Variants in PRKCG observed in about 807,000 individuals in gnomAD.
PRKCG encodes protein kinase C gamma type.
Under a neutral mutation model 82.0 loss-of-function variants are expected in PRKCG, and 28 were observed. That is an observed-to-expected ratio of 0.34 (90% CI 0.25 to 0.47). The LOEUF is 0.47. PRKCG is among the 20% of genes least tolerant of loss of function. The pLI, the probability that PRKCG is intolerant of heterozygous loss-of-function variation, is 1.00. For synonymous variants in PRKCG, 383 were observed against 376.6 expected (o/e 1.02, Z -0.20); for missense variants, 640 against 952.7 (o/e 0.67, Z 4.32).
chr19:53,892,404 G>A lies in PRKCG; in HGVS notation c.687-105G>A. 1.1e-5 allele frequency: 16 copies of A among 1,510,870 alleles called. No homozygotes were observed. In the South Asian group the frequency reaches 1.9e-4, roughly 18 times the overall value. The allele number at this position is 1,510,870 out of a possible 1,614,324, so 93.6% of individuals were successfully genotyped here. Reference sequence around the variant, plus strand: ...GTCGGAGACCGACAAAGCAGGAGAGGAGCCCCAGCTGGCTGGGTTTGCCCC... The same window carrying A: ...GTCGGAGACCGACAAAGCAGGAGAGAAGCCCCAGCTGGCTGGGTTTGCCCC... On this transcript the variant is annotated intron_variant, in intron 6 of 17. Coordinates refer to ENST00000263431, the MANE Select transcript of PRKCG (RefSeq NM_002739.5). The surrounding 1 kb of genome is among the most constrained non-coding windows in gnomAD (Gnocchi z 5.9).
At position 53,883,906 on chromosome 19, in the gene PRKCG, C is replaced by T. The variant is rs959129365; in HGVS notation, c.203-255C>T. On this transcript the variant is annotated intron_variant, in intron 2 of 17. Transcript: ENST00000263431. The surrounding 1 kb of genome is among the most constrained non-coding windows in gnomAD (Gnocchi z 5.4). ...TCTTTTTCCATCTCCCTTCCCTGAG[C>T]TCTGTGCTCTGTGTCTCTCTGTAAG... Among the ~76,000 whole-genome samples, 88 of 152,156 alleles carry T rather than the reference C, an allele frequency of 5.8e-4. No individual in the cohort carries two copies. Among genetic ancestry groups the T allele is most frequent in the Non-Finnish European group, 1.1e-3 (76 of 68,038 alleles).
rs1599938894 is a variant in PRKCG at position 53,884,374 on chromosome 19, A to C, written c.285+131A>C. 25 of 902,362 alleles carry C rather than the reference A, an allele frequency of 2.8e-5. No homozygotes were observed. In the East Asian group the frequency reaches 6.1e-4, roughly 22 times the overall value. The allele number at this position is 902,362 out of a possible 1,614,324, so 55.9% of individuals were successfully genotyped here. A position where few individuals can be genotyped will look rare whatever the true frequency, so the allele number is the denominator to read the frequency against. Reference sequence around the variant, plus strand: ...GGGGGCTGGAGAGATAGGGGGAGCTATCTGGCCCAGATTCCTTGCCCTTGG... The same window carrying C: ...GGGGGCTGGAGAGATAGGGGGAGCTCTCTGGCCCAGATTCCTTGCCCTTGG... On this transcript the variant is annotated intron_variant, in intron 3 of 17. Coordinates refer to ENST00000263431, the MANE Select transcript of PRKCG (RefSeq NM_002739.5). This position sits in a 1 kb window ranked among gnomAD's most constrained non-coding sequence, Gnocchi z 4.6.
At chr19:53,896,696 A>C (rs955844830) in intron 9 of PRKCG, among the ~76,000 whole-genome samples, 4 of 152,196 alleles carry the variant, frequency 2.6e-5, no homozygotes, top group Admixed American at 2.0e-4. Flanking sequence ...CTGGGATTAC[A>C]GGCATGAGCC....
chr19:53,886,976 T>TTA (rs1204346022), intron 3 of PRKCG, among the ~76,000 whole-genome samples: 1 of 152,242 alleles, frequency 6.6e-6, no homozygotes, highest in Non-Finnish European at 1.5e-5. Flanking sequence ...ATATTATTTT[T>TTA]TATTCTTGTT....
chr19:53,896,652 T>C (rs1399377446), intron 9 of PRKCG, among the ~76,000 whole-genome samples: 3 of 152,236 alleles, frequency 2.0e-5, no homozygotes, highest in African/African-American at 7.2e-5. Context: ...ACTCCTGACC[T>C]CAGGTGATCT....
chr19:53,905,274 G>C (rs2068793268), intron 16 of PRKCG, among the ~76,000 whole-genome samples: 1 of 151,976 alleles, frequency 6.6e-6, no homozygotes, highest in Non-Finnish European at 1.5e-5. Flanking sequence ...GGGGCTCTCT[G>C]TGTTTCTTCC....
rs771895830 is a variant in PRKCG at position 53,906,850 on chromosome 19, G to T, written c.2049G>T (p.Pro683=). 4 of 1,613,518 alleles carry T rather than the reference G, an allele frequency of 2.5e-6. No individual in the cohort carries two copies. In the East Asian group the frequency reaches 6.7e-5, roughly 27 times the overall value. Residue 683 remains proline (P), a synonymous_variant, in exon 18 of 18, where the codon CCG becomes CCT. Coordinates refer to ENST00000263431, the MANE Select transcript of PRKCG (RefSeq NM_002739.5). ...ACGTGAACCCCGACTTCGTGCACCCGGATGCCCGCAGCCCCACCAGCCCAG... is the reference window on the plus strand; with the variant it reads ...ACGTGAACCCCGACTTCGTGCACCCTGATGCCCGCAGCCCCACCAGCCCAG... ...FTYVNPDFVH[P]DARSPTSPVP... is the part of the protein sequence containing the mutation.
upstream of PRKCG, chr19:53,881,734 A>G (rs1160179378): frequency 6.6e-6 from 1 of 152,610 alleles, no homozygotes; most frequent in African/African-American, 2.4e-5. Context: ...CTCCAGGAAT[A>G]GAGGGAGAGG....
intron 9 of PRKCG, among the ~76,000 whole-genome samples, chr19:53,896,925 A>G (rs145578118): frequency 6.6e-6 from 1 of 152,324 alleles, no homozygotes; most frequent in Non-Finnish European, 1.5e-5. Context: ...CAGTTTAAAA[A>G]GTCAGGCGAG....
Position 53,900,502 on chromosome 19 carries a change from C to T in PRKCG, c.1436+21C>T, listed in dbSNP as rs1462632945. On this transcript the variant is annotated intron_variant, in intron 13 of 17. Transcript: ENST00000263431. This position sits in a 1 kb window ranked among gnomAD's most constrained non-coding sequence, Gnocchi z 4.2. Reference sequence around the variant, plus strand: ...TACAGGTGAGCAGCCCCAGGAATTTCCGTGGAGGAAATCACGCCCCTGGAA... The same window carrying T: ...TACAGGTGAGCAGCCCCAGGAATTTTCGTGGAGGAAATCACGCCCCTGGAA... 3 of 1,614,018 alleles carry T rather than the reference C, an allele frequency of 1.9e-6. No homozygotes were observed.
intron 3 of PRKCG, among the ~76,000 whole-genome samples, chr19:53,886,831 G>A: frequency 6.6e-6 from 1 of 152,202 alleles, no homozygotes; most frequent in East Asian, 1.9e-4. Context: ...CATTTCCTGA[G>A]TTAATTTACC....
chr19:53,895,524 C>CA (rs938426453), intron 9 of PRKCG, among the ~76,000 whole-genome samples: 35 of 149,436 alleles, frequency 2.3e-4, no homozygotes, highest in African/African-American at 8.4e-4. Context: ...CAAGAATCTT[C>CA]AAGATTCAAC....
At position 53,906,462 on chromosome 19, in the gene PRKCG, G is replaced by C; in HGVS notation, c.1905+5G>C. 3 of 1,574,476 alleles carry C rather than the reference G, an allele frequency of 1.9e-6. No homozygotes were observed. Among genetic ancestry groups the C allele is most frequent in the Non-Finnish European group, 2.6e-6 (3 of 1,159,274 alleles). ...CCTCCTTTCAGACCCCGCCCGGTCA[G>C]TCACCCTCCAGGCAACAAAAACCTG... On this transcript the variant is annotated splice_donor_5th_base_variant and intron_variant, in intron 17 of 17. Transcript: ENST00000263431.
Position 53,900,691 on chromosome 19 carries a change from T to C in PRKCG, c.1517T>C (p.Val506Ala). Residue 506 changes from valine to alanine, a missense_variant, in exon 14 of 18, where the codon GTC becomes GCC. Physicochemically the swap from Val to Ala is moderately conservative, Grantham distance 64 (BLOSUM62 0). This residue lies in a region of PRKCG where 198 missense variants were observed against 273.4 expected (regional missense o/e 0.72). Coordinates refer to ENST00000263431, the MANE Select transcript of PRKCG (RefSeq NM_002739.5). This position sits in a 1 kb window ranked among gnomAD's most constrained non-coding sequence, Gnocchi z 4.2. ...ITDFGMCKENVFPGTTTRTFC... is the reference protein window; with the variant it reads ...ITDFGMCKENAFPGTTTRTFC... The stretch of plus-strand genomic sequence containing the variant: ...GACTTTGGCATGTGTAAGGAGAACG[T>C]CTTCCCCGGGACGACAACCCGCACC... 6.2e-7 allele frequency: 1 copy of C among 1,614,180 alleles called. No individual in the cohort carries two copies. Among genetic ancestry groups the C allele is most frequent in the Non-Finnish European group, 8.5e-7 (1 of 1,180,042 alleles).
At chr19:53,898,828 G>C (rs1477021143) in intron 11 of PRKCG, among the ~76,000 whole-genome samples, 200 bp downstream of exon 11, 1 of 123,566 alleles carries the variant, frequency 8.1e-6, no homozygotes, top group Non-Finnish European at 1.7e-5. Flanking sequence ...GGACTCATCG[G>C]GGGGCGTGGC....
intron 9 of PRKCG, among the ~76,000 whole-genome samples, chr19:53,896,382 T>G (rs968219646): frequency 7.5e-4 from 25 of 33,164 alleles, no homozygotes; most frequent in South Asian, 4.1e-3. Flanking sequence ...CCCTGATTAT[T>G]ATTATTATTA....
At position 53,883,489 on chromosome 19, in the gene PRKCG, A is replaced by C; in HGVS notation, c.202+295A>C. Reference sequence around the variant, plus strand: ...TGGAAAAGGGGAGCTGAAGGGGGGAAGGGGGAGGGGGCTGGAGATGCAAAG... The same window carrying C: ...TGGAAAAGGGGAGCTGAAGGGGGGACGGGGGAGGGGGCTGGAGATGCAAAG... On this transcript the variant is annotated intron_variant, in intron 2 of 17. Coordinates refer to ENST00000263431, the MANE Select transcript of PRKCG (RefSeq NM_002739.5). The surrounding 1 kb of genome is among the most constrained non-coding windows in gnomAD (Gnocchi z 5.4). 2.2e-5 allele frequency among the ~76,000 whole-genome samples: 2 copies of C among 88,986 alleles called. No homozygotes were observed. The highest frequency in any genetic ancestry group is 3.9e-4 in the South Asian group (1 of 2,542). The allele number at this position is 88,986 out of a possible 152,430, so 58.4% of individuals were successfully genotyped here. A position where few individuals can be genotyped will look rare whatever the true frequency, so the allele number is the denominator to read the frequency against.
In PRKCG at chr19:53,906,448, A is replaced by G; in HGVS notation, c.1896A>G (p.Arg632=). Residue 632 remains arginine, a synonymous_variant, in exon 17 of 18, where the codon AGA becomes AGG. Coordinates refer to ENST00000263431, the MANE Select transcript of PRKCG (RefSeq NM_002739.5). ...GATTGGAGATCCCGCCTCCTTTCAG[A>G]CCCCGCCCGGTCAGTCACCCTCCAG... The part of the protein sequence containing the change: ...LERLEIPPPF[R]PRPCGRSGEN... 1 of 1,574,106 alleles carries G rather than the reference A, an allele frequency of 6.4e-7. No homozygotes were observed. Among genetic ancestry groups the G allele is most frequent in the Non-Finnish European group, 8.6e-7 (1 of 1,159,496 alleles).
intron 9 of PRKCG, among the ~76,000 whole-genome samples, chr19:53,895,218 A>G (rs929431544): frequency 6.6e-6 from 1 of 152,126 alleles, no homozygotes; most frequent in Non-Finnish European, 1.5e-5. Flanking sequence ...AGCATATGAT[A>G]GACTGGGCAC....
Sources: allele counts gnomAD v4.1 joint callset (sites outside exome capture counted in the v4.1 genomes callset), GRCh38; gene constraint gnomAD v4.1.1; regional missense constraint gnomAD v4.1.1; non-coding constraint Gnocchi (gnomAD v3.1); transcripts MANE v1.5; gene names NCBI Gene and HGNC (gene_info 2026-07-23, HGNC 2026-07-21).